The following CPA6 variants were observed in gnomAD, a reference collection of about 807,000 sequenced individuals.
The protein encoded by CPA6 is carboxypeptidase A6, also known as carboxypeptidase B.
CPA6 carries 58 observed loss-of-function variants against 63.3 expected under a neutral mutation model. That is an observed-to-expected ratio of 0.92 (90% CI 0.74 to 1.14). The LOEUF (loss-of-function observed/expected upper bound fraction) is 1.14, where lower values mean the gene tolerates loss of function less well. Among genes scored for constraint, CPA6 ranks in the 50% most tolerant of loss-of-function variants. The pLI is 0.00. For missense variants in CPA6, 565 were observed against 526.6 expected (o/e 1.07, Z -0.71); for synonymous variants, 185 against 179.0 (o/e 1.03, Z -0.27).
intron 1 of CPA6, among the ~76,000 whole-genome samples, chr8:67,723,982 G>A (rs1426353210): frequency 6.6e-6 from 1 of 151,984 alleles, no homozygotes; most frequent in African/African-American, 2.4e-5. Context: ...ATGACAGATT[G>A]GTAAAGAAGC....
At chr8:67,598,831 T>C (rs1033960627) in intron 2 of CPA6, among the ~76,000 whole-genome samples, 4 of 152,166 alleles carry the variant, frequency 2.6e-5, no homozygotes, top group African/African-American at 7.2e-5. Context: ...AGCCCTTCTA[T>C]ACATTTATCA....
intron 1 of CPA6, among the ~76,000 whole-genome samples, chr8:67,721,413 G>A (rs919130341): frequency 6.6e-6 from 1 of 152,156 alleles, no homozygotes; most frequent in Non-Finnish European, 1.5e-5. Context: ...TTTTAAATAA[G>A]TCACATATCC....
At chr8:67,739,466 G>A (rs373185632) in intron 1 of CPA6, among the ~76,000 whole-genome samples, 3 of 152,266 alleles carry the variant, frequency 2.0e-5, no homozygotes, top group South Asian at 2.1e-4. Context: ...GTGGGGAAAC[G>A]TTCTTAACCA....
At position 67,467,636 on chromosome 8, in the gene CPA6, T is replaced by C. The variant is rs574382355; in HGVS notation, c.838+16132A>G. The stretch of plus-strand genomic sequence containing the variant: ...ATTGCATCATGGCTTATGGTCCTGC[T>C]GTAGTTTCCTAACCAGTCCTTTGGT... On this transcript the variant is annotated intron_variant, in intron 8 of 10. Transcript: ENST00000297770. 5.9e-3 allele frequency among the ~76,000 whole-genome samples: 901 copies of C among 152,300 alleles called. 7 individuals carry two copies. The highest frequency in any genetic ancestry group is 8.0e-3 in the Non-Finnish European group (541 of 68,028).
intron 2 of CPA6, among the ~76,000 whole-genome samples, chr8:67,554,130 G>A (rs1210933524): frequency 6.6e-6 from 1 of 152,170 alleles, no homozygotes; most frequent in East Asian, 1.9e-4. Flanking sequence ...CTCTTGATTA[G>A]GGAGTGTAAT....
At chr8:67,591,893 A>C (rs1814136703) in intron 2 of CPA6, among the ~76,000 whole-genome samples, 1 of 152,056 alleles carries the variant, frequency 6.6e-6, no homozygotes, top group African/African-American at 2.4e-5. Flanking sequence ...TCTCCTGCCT[A>C]ATTGCCCTGG....
intron 1 of CPA6, among the ~76,000 whole-genome samples, chr8:67,705,273 C>T (rs1159268204): frequency 1.3e-5 from 2 of 152,186 alleles, no homozygotes; most frequent in African/African-American, 4.8e-5. Context: ...CCCCCGATGG[C>T]CTTGAGCTGA....
intron 2 of CPA6, among the ~76,000 whole-genome samples, chr8:67,588,890 A>C (rs1309842434): frequency 6.6e-6 from 1 of 152,128 alleles, no homozygotes; most frequent in Admixed American, 6.6e-5. Flanking sequence ...GTGTAATCCC[A>C]GCACTCACTT....
At chr8:67,472,374 T>C (rs111956591) in intron 8 of CPA6, among the ~76,000 whole-genome samples, 2 of 58,830 alleles carry the variant, frequency 3.4e-5, no homozygotes, top group African/African-American at 8.7e-5. Flanking sequence ...AAAGATTTAT[T>C]TTTTTATTTT....
intron 1 of CPA6, among the ~76,000 whole-genome samples, chr8:67,684,498 T>C (rs1414227073): frequency 2.0e-5 from 3 of 151,908 alleles, no homozygotes; most frequent in African/African-American, 7.3e-5. Context: ...TCAGAAACAA[T>C]CCCCAGGAGC....
chr8:67,617,976 C>A (rs991339342), intron 2 of CPA6, among the ~76,000 whole-genome samples: 4 of 152,204 alleles, frequency 2.6e-5, no homozygotes, highest in African/African-American at 9.7e-5. Flanking sequence ...GCCTCTTCTG[C>A]AACTAGCTGG....
chr8:67,694,125 G>T (rs963491850), intron 1 of CPA6, among the ~76,000 whole-genome samples: 1 of 152,182 alleles, frequency 6.6e-6, no homozygotes, highest in African/African-American at 2.4e-5. Context: ...TGCTAGTTTT[G>T]AGTGGGGCCC....
rs10957393 is a variant in CPA6 at position 67,624,235 on chromosome 8, A to G, written c.133T>C (p.Phe45Leu). 350,723 of 1,511,202 alleles carry G rather than the reference A, an allele frequency of 0.23. 42,491 individuals carry two copies. Among genetic ancestry groups the G allele is most frequent in the African/African-American group, 0.32 (23,006 of 72,360 alleles). 93.6% of individuals were successfully genotyped at this position (1,511,202 alleles called of 1,614,324 possible). Residue 45 changes from phenylalanine to leucine, a missense_variant, in exon 2 of 11, where the codon TTT becomes CTT. Transcript: ENST00000297770. ...GCTTCCTCTTCTGTTTTGGGAATAA[A>G]TCTTATCACTTTATCACTACAAGAT... ...NRYAGDKVIR[F>L]IPKTEEEAYA...
chr8:67,735,434 C>G (rs767705212), intron 1 of CPA6: 1 of 152,080 alleles, frequency 6.6e-6, no homozygotes, highest in African/African-American at 2.4e-5. Context: ...TTTCCGATAA[C>G]TTAATGAGGA....
Position 67,573,405 on chromosome 8 carries a change from A to C in CPA6, c.192+50771T>G, listed in dbSNP as rs1455396574. Among the ~76,000 whole-genome samples, 4 of 152,372 alleles carry C rather than the reference A, an allele frequency of 2.6e-5. No individual in the cohort carries two copies. The East Asian group carries it at 7.7e-4, about 29-fold the overall frequency. On this transcript the variant is annotated intron_variant, in intron 2 of 10. Transcript: ENST00000297770. ...TTCCACCAAAAATCTGTTAGAACTG[A>C]TATACAAATTCAGTAAAGTTGCAGA...
At chr8:67,509,228 T>A (rs1433566593) in intron 5 of CPA6, among the ~76,000 whole-genome samples, 1 of 152,174 alleles carries the variant, frequency 6.6e-6, no homozygotes, top group African/African-American at 2.4e-5. Context: ...CCATAGCAGC[T>A]TCTTATACAT....
chr8:67,493,341 C>T (rs1811645235), intron 6 of CPA6, among the ~76,000 whole-genome samples: 1 of 152,094 alleles, frequency 6.6e-6, no homozygotes, highest in East Asian at 1.9e-4. Flanking sequence ...AAATGATTAT[C>T]TAAAAGGACT....
In CPA6 at chr8:67,705,000, G is replaced by C. The variant is rs1056142484; in HGVS notation, c.116+41014C>G. On this transcript the variant is annotated intron_variant, in intron 1 of 10. Transcript: ENST00000297770. ...GGTGAGAGTAGAATAAGGAGGACAG[G>C]GCTAAAGAGAAGGAGAAACACAGAA... is the stretch of plus-strand genomic sequence containing the variant. Among the ~76,000 whole-genome samples the C allele has an allele frequency of 2.6e-5, 4 of 152,104 alleles. 1 individual carries two copies. Among genetic ancestry groups the C allele is most frequent in the Non-Finnish European group, 5.9e-5 (4 of 68,022 alleles).
intron 1 of CPA6, among the ~76,000 whole-genome samples, chr8:67,703,230 G>T (rs144338918): frequency 6.6e-6 from 1 of 152,114 alleles, no homozygotes; most frequent in Admixed American, 6.5e-5. Context: ...AGGACAACTT[G>T]TCTTGGTCTC....
Sources: gnomAD v4.1 joint callset for allele counts (sites outside exome capture counted in the v4.1 genomes callset) on GRCh38, gnomAD v4.1.1 for gene constraint, MANE v1.5 for transcripts, NCBI Gene and HGNC (gene_info 2026-07-23, HGNC 2026-07-21) for gene names.